CADPS: variants seen among roughly 807,000 people sequenced by gnomAD.
CADPS encodes the protein calcium dependent secretion activator.
CADPS carries 57 observed loss-of-function variants against 167.3 expected under a neutral mutation model. The observed-to-expected ratio is 0.34, with a 90% CI of 0.28 to 0.42. The LOEUF (loss-of-function observed/expected upper bound fraction) is 0.42, where lower values mean the gene tolerates loss of function less well. Ranked by LOEUF, CADPS falls within the 20% of genes least tolerant of loss-of-function variation. The pLI is 1.00. For synonymous variants in CADPS, 676 were observed against 635.3 expected (o/e 1.06, Z -0.96); for missense variants, 1,414 against 1,738.1 (o/e 0.81, Z 3.32).
chr3:62,592,760 A>T lies in CADPS; in HGVS notation c.1326-12T>A, dbSNP rs762016606. ...CCTGGGTGCCCCAGCTGCAGACAGA[A>T]TCAAAGAGGTCATTGTAGACATATC... On this transcript the variant is annotated splice_polypyrimidine_tract_variant and intron_variant, in intron 6 of 29. Coordinates refer to ENST00000383710, the MANE Select transcript of CADPS (RefSeq NM_003716.4). The T allele has an allele frequency of 1.3e-6, 2 of 1,591,288 alleles. No individual in the cohort carries two copies. Among genetic ancestry groups the T allele is most frequent in the South Asian group, 2.2e-5 (2 of 90,550 alleles).
chr3:62,645,043 T>C (rs1211852783), intron 6 of CADPS, among the ~76,000 whole-genome samples: 1 of 152,236 alleles, frequency 6.6e-6, no homozygotes. Context: ...TAATGTATTA[T>C]GTAACATACT....
chr3:62,476,835 G>GT (rs1178814410), intron 23 of CADPS, among the ~76,000 whole-genome samples: 4 of 152,112 alleles, frequency 2.6e-5, no homozygotes, highest in African/African-American at 9.6e-5. Flanking sequence ...CACGCAAAAA[G>GT]TTTTTTTATG....
intron 1 of CADPS, among the ~76,000 whole-genome samples, chr3:62,870,989 G>A (rs1031744786): frequency 1.3e-5 from 2 of 152,062 alleles, no homozygotes; most frequent in Non-Finnish European, 1.5e-5. Flanking sequence ...AACATACATT[G>A]TTACATTCTG....
intron 26 of CADPS, among the ~76,000 whole-genome samples, chr3:62,454,476 T>C (rs2058448948): frequency 6.6e-6 from 1 of 152,142 alleles, no homozygotes; most frequent in Admixed American, 6.5e-5. Flanking sequence ...ATTTGAACCC[T>C]AATGGGTGGG....
chr3:62,590,684 C>T (rs1351432060), intron 7 of CADPS, among the ~76,000 whole-genome samples: 1 of 152,006 alleles, frequency 6.6e-6, no homozygotes, highest in Non-Finnish European at 1.5e-5. Flanking sequence ...TGAATTCTTG[C>T]TGGCATCGTT....
chr3:62,668,962 T>G (rs193080349), intron 3 of CADPS, among the ~76,000 whole-genome samples: 58 of 152,354 alleles, frequency 3.8e-4, no homozygotes, highest in African/African-American at 1.2e-3. Context: ...TCTGTCTTGC[T>G]GCCTAGTGGC....
At chr3:62,624,171 A>G (rs2063623319) in intron 6 of CADPS, among the ~76,000 whole-genome samples, 1 of 152,170 alleles carries the variant, frequency 6.6e-6, no homozygotes, top group South Asian at 2.1e-4. Context: ...AACCTTGGCC[A>G]AATCTTTCAC....
At chr3:62,548,326 G>A (rs1300110993) in intron 11 of CADPS, among the ~76,000 whole-genome samples, 1 of 152,176 alleles carries the variant, frequency 6.6e-6, no homozygotes, top group East Asian at 1.9e-4. Context: ...GCAGGAAGAT[G>A]TTAGAGAATA....
chr3:62,685,912 C>T (rs185622554), intron 3 of CADPS, among the ~76,000 whole-genome samples: 1 of 151,976 alleles, frequency 6.6e-6, no homozygotes, highest in South Asian at 2.1e-4. Flanking sequence ...GGTTAGGGAC[C>T]CCTGTTTTAT....
intron 1 of CADPS, among the ~76,000 whole-genome samples, chr3:62,801,770 G>A (rs1014722699): frequency 3.4e-5 from 5 of 148,174 alleles, no homozygotes; most frequent in African/African-American, 7.3e-5. Context: ...AAAAGGCCCA[G>A]CTGAGTGAAG....
intron 3 of CADPS, among the ~76,000 whole-genome samples, chr3:62,678,494 A>AT (rs535848521): frequency 3.3e-4 from 49 of 150,650 alleles, no homozygotes; most frequent in South Asian, 8.4e-4. Flanking sequence ...TTTCTCAGGA[A>AT]TTTTTTTTTT....
chr3:62,472,047 C>T (rs1395357740), intron 24 of CADPS, among the ~76,000 whole-genome samples: 1 of 151,562 alleles, frequency 6.6e-6, no homozygotes, highest in Non-Finnish European at 1.5e-5. Flanking sequence ...ACAATACATG[C>T]TACAGCATGG....
chr3:62,719,789 C>T (rs1371624940), intron 3 of CADPS, among the ~76,000 whole-genome samples: 1 of 152,184 alleles, frequency 6.6e-6, no homozygotes, highest in African/African-American at 2.4e-5. Flanking sequence ...GAAAACATTT[C>T]CAGCTCTCCA....
intron 6 of CADPS, among the ~76,000 whole-genome samples, chr3:62,606,916 G>C (rs990448660): frequency 1.3e-5 from 2 of 152,228 alleles, no homozygotes; most frequent in African/African-American, 2.4e-5. Context: ...ACTGAAAGCA[G>C]AGCCATTCAG....
At chr3:62,709,614 T>C (rs1236310827) in intron 3 of CADPS, among the ~76,000 whole-genome samples, 1 of 151,992 alleles carries the variant, frequency 6.6e-6, no homozygotes, top group East Asian at 1.9e-4. Context: ...TATTTACTGT[T>C]CCCTTAAGCA....
At chr3:62,620,491 C>T (rs900732496) in intron 6 of CADPS, among the ~76,000 whole-genome samples, 1 of 152,164 alleles carries the variant, frequency 6.6e-6, no homozygotes. Context: ...ATACTAGGCA[C>T]TGTATGAAAC....
chr3:62,660,980 T>C (rs2073068028), intron 4 of CADPS, among the ~76,000 whole-genome samples: 1 of 152,192 alleles, frequency 6.6e-6, no homozygotes, highest in East Asian at 1.9e-4. Context: ...TCCCCATCTC[T>C]AAACCAAGAA....
chr3:62,468,978 C>T (rs2060257258), intron 24 of CADPS, among the ~76,000 whole-genome samples: 1 of 152,060 alleles, frequency 6.6e-6, no homozygotes, highest in South Asian at 2.1e-4. Context: ...CTGAGAGGTG[C>T]TATGTGGCAG....
At chr3:62,492,046 C>T (rs1576763165) in intron 20 of CADPS, among the ~76,000 whole-genome samples, 1 of 152,224 alleles carries the variant, frequency 6.6e-6, no homozygotes, top group Middle Eastern at 3.4e-3. Flanking sequence ...AAATGGATAC[C>T]TCTTCTCACA....
Sources: allele counts gnomAD v4.1 joint callset (sites outside exome capture counted in the v4.1 genomes callset), GRCh38; gene constraint gnomAD v4.1.1; transcripts MANE v1.5; gene names NCBI Gene and HGNC (gene_info 2026-07-23, HGNC 2026-07-21).